GRK4: variants seen among roughly 807,000 people sequenced by gnomAD.
The protein encoded by GRK4 is G protein-coupled receptor kinase 2-like.
Under a neutral mutation model 77.9 loss-of-function variants are expected in GRK4, and 73 were observed. That is an observed-to-expected ratio of 0.94 (90% CI 0.78 to 1.14). GRK4 has a LOEUF of 1.14. GRK4 is among the 50% of genes most tolerant of loss of function. The pLI is 0.00. For synonymous variants in GRK4, 257 were observed against 254.4 expected (o/e 1.01, Z -0.10); for missense variants, 729 against 700.2 (o/e 1.04, Z -0.46).
chr4:3,015,653 C>T (rs185628279), intron 8 of GRK4, among the ~76,000 whole-genome samples: 2,171 of 134,006 alleles, frequency 0.016, 24 homozygotes, highest in Non-Finnish European at 0.024. Context: ...CCAGCCTGGG[C>T]AACAGAGCAA....
At chr4:3,010,452 C>T (rs911975701) in intron 7 of GRK4, among the ~76,000 whole-genome samples, 3 of 152,102 alleles carry the variant, frequency 2.0e-5, no homozygotes, top group African/African-American at 7.2e-5. Context: ...GTCTTGAACT[C>T]CCGACCTCGG....
intron 4 of GRK4, among the ~76,000 whole-genome samples, chr4:3,001,356 T>C (rs28542708): frequency 0.035 from 3,555 of 102,312 alleles, 146 homozygotes; most frequent in African/African-American, 0.056. Context: ...CACACACACA[T>C]ATATATATAT....
At chr4:2,988,592 AAC>A (rs369135583) in intron 2 of GRK4, 133 bp from the exon 3 acceptor site, 1 of 560,260 alleles carries the variant, frequency 1.8e-6, no homozygotes, top group Non-Finnish European at 3.2e-6. Context: ...CAACAACAAC[AAC>A]AAGATGAAAA....
chr4:2,974,869 C>T (rs1468657842), intron 1 of GRK4, among the ~76,000 whole-genome samples: 2 of 152,198 alleles, frequency 1.3e-5, no homozygotes, highest in African/African-American at 2.4e-5. Context: ...TGGGCAGCCA[C>T]ATCCTGGCAA....
chr4:3,037,044 G>GGT (rs1271637092), intron 13 of GRK4, among the ~76,000 whole-genome samples: 5,040 of 144,280 alleles, frequency 0.035, 110 homozygotes, highest in Middle Eastern at 0.054. Context: ...CCTCAGGAGG[G>GGT]GTGTGTGTGT....
intron 1 of GRK4, among the ~76,000 whole-genome samples, chr4:2,975,355 G>C (rs1720801953): frequency 6.6e-6 from 1 of 152,144 alleles, no homozygotes; most frequent in African/African-American, 2.4e-5. Context: ...GCCAGACGTG[G>C]CTCCTCAGGA....
At chr4:3,019,446 G>T (rs76654418) in intron 8 of GRK4, among the ~76,000 whole-genome samples, 195 bp from the exon 9 acceptor site, 2 of 152,202 alleles carry the variant, frequency 1.3e-5, no homozygotes, top group African/African-American at 4.8e-5. Context: ...TGGCTACACA[G>T]CTGCGGTAAA....
chr4:3,006,539 G>C (rs923759026), intron 5 of GRK4, among the ~76,000 whole-genome samples: 8 of 152,066 alleles, frequency 5.3e-5, no homozygotes, highest in Non-Finnish European at 1.2e-4. Flanking sequence ...TAGCACTTTG[G>C]GAGGCCAAGG....
At position 3,004,314 on chromosome 4, in the gene GRK4, A is replaced by G. The variant is rs373270890; in HGVS notation, c.423A>G (p.Lys141=). The change falls in exon 5 of 16, where the codon AAA becomes AAG. Residue 141 remains lysine, a synonymous_variant. Coordinates refer to ENST00000398052, the MANE Select transcript of GRK4 (RefSeq NM_182982.3). ...LGLKEENPSK[K]AFEECTRVAH... is the part of the protein sequence containing the mutation. The stretch of plus-strand genomic sequence containing the variant: ...TGAAGGAGGAGAACCCTTCCAAAAA[A>G]GCCTTTGAGGAATGTACTAGGTAAG... The G allele has an allele frequency of 8.7e-6, 14 of 1,611,226 alleles. No homozygotes were observed. The highest frequency in any genetic ancestry group is 1.2e-5 in the Non-Finnish European group (14 of 1,177,482).
Position 2,978,245 on chromosome 4 carries a change from T to C in GRK4, c.53-6268T>C, listed in dbSNP as rs759125558. On this transcript the variant is annotated intron_variant, in intron 1 of 15. Coordinates refer to ENST00000398052, the MANE Select transcript of GRK4 (RefSeq NM_182982.3). The stretch of plus-strand genomic sequence containing the variant: ...GAAGGTTCTTGGTTATCTCATAGAC[T>C]GTGGCTTCACACATTAAGCTAATTG... Among the ~76,000 whole-genome samples the C allele has an allele frequency of 5.8e-4, 89 of 152,374 alleles. No homozygotes were observed. In the Middle Eastern group the frequency reaches 0.01, roughly 17 times the overall value.
chr4:3,033,776 C>T (rs536519935), intron 12 of GRK4, among the ~76,000 whole-genome samples: 1 of 152,034 alleles, frequency 6.6e-6, no homozygotes, highest in Non-Finnish European at 1.5e-5. Flanking sequence ...TAGTAGAGAC[C>T]GGGTTTCACC....
chr4:2,974,247 C>A (rs1326988793), intron 1 of GRK4, among the ~76,000 whole-genome samples: 1 of 152,238 alleles, frequency 6.6e-6, no homozygotes, highest in Non-Finnish European at 1.5e-5. Flanking sequence ...CGGGCTTTCT[C>A]CCTAAAATTA....
In GRK4 at chr4:2,989,961, G is replaced by A. The variant is rs550603465; in HGVS notation, c.261+1122G>A. On this transcript the variant is annotated intron_variant, in intron 3 of 15. Transcript: ENST00000398052. The stretch of plus-strand genomic sequence containing the variant: ...TCTCTCACTTTTGTACCAGGGTTAT[G>A]ATCCTTCCTCTCTCTGCTTTGGCCT... Among the ~76,000 whole-genome samples the A allele has an allele frequency of 7.2e-5, 11 of 152,262 alleles. No homozygotes were observed. The East Asian group carries it at 9.7e-4, about 13-fold the overall frequency.
intron 4 of GRK4, among the ~76,000 whole-genome samples, chr4:2,992,772 G>A (rs1248156452): frequency 6.6e-6 from 1 of 151,948 alleles, no homozygotes; most frequent in African/African-American, 2.4e-5. Context: ...CTTGAGCTCA[G>A]GAGTTCAAAA....
intron 15 of GRK4, 60 bp downstream of exon 15, chr4:3,038,573 A>G: frequency 6.6e-7 from 1 of 1,521,494 alleles, no homozygotes; most frequent in Admixed American, 2.0e-5. Flanking sequence ...AAACATACTG[A>G]CTGCCAAGGT....
chr4:3,022,269 T>C, intron 9 of GRK4, 145 bp from the exon 10 acceptor site: 2 of 685,790 alleles, frequency 2.9e-6, no homozygotes, highest in Non-Finnish European at 5.2e-6. Context: ...AACATTCTTG[T>C]CCTGCCTGTT....
intron 7 of GRK4, among the ~76,000 whole-genome samples, chr4:3,013,286 A>C (rs1733444361): frequency 6.6e-6 from 1 of 152,002 alleles, no homozygotes; most frequent in African/African-American, 2.4e-5. Context: ...TCCTGACCTC[A>C]GGTGATCTGC....
intron 10 of GRK4, among the ~76,000 whole-genome samples, chr4:3,025,428 C>T (rs1373445394): frequency 4.9e-5 from 6 of 122,096 alleles, no homozygotes; most frequent in Admixed American, 2.0e-4. Flanking sequence ...CTTGCTCTGT[C>T]GCCCAGGCTG....
intron 6 of GRK4, 138 bp from the exon 7 acceptor site, chr4:3,009,510 C>G: frequency 1.7e-6 from 1 of 601,484 alleles, no homozygotes; most frequent in Non-Finnish European, 3.0e-6. Flanking sequence ...TCCCTGAGCA[C>G]AGACACCCTT....
Sources: allele counts gnomAD v4.1 joint callset (sites outside exome capture counted in the v4.1 genomes callset), GRCh38; gene constraint gnomAD v4.1.1; transcripts MANE v1.5; gene names NCBI Gene and HGNC (gene_info 2026-07-23, HGNC 2026-07-21).